Variants in COX10 observed in about 807,000 individuals in gnomAD.
COX10 encodes the protein cytochrome c oxidase assembly factor heme A:farnesyltransferase COX10, also known as protoheme IX farnesyltransferase, mitochondrial.
A neutral mutation model predicts 37.3 loss-of-function variants in COX10; 27 were observed. That is an observed-to-expected ratio of 0.72 (90% CI 0.53 to 1.00). The LOEUF is 1.00. Ranked by LOEUF, COX10 falls within the 50% of genes least tolerant of loss-of-function variation. The pLI is 0.00. For synonymous variants in COX10, 222 were observed against 229.1 expected (o/e 0.97, Z 0.28); for missense variants, 475 against 563.2 (o/e 0.84, Z 1.59).
At chr17:14,181,171 T>A (rs899397698) in intron 5 of COX10, among the ~76,000 whole-genome samples, 23 of 152,036 alleles carry the variant, frequency 1.5e-4, no homozygotes, top group Middle Eastern at 3.4e-3. Flanking sequence ...GAGATGGCCA[T>A]ACAAAAGATG....
At chr17:14,099,940 A>G (rs554536427) in intron 3 of COX10, among the ~76,000 whole-genome samples, 1 of 152,008 alleles carries the variant, frequency 6.6e-6, no homozygotes, top group African/African-American at 2.4e-5. Context: ...ATTCCTTTCC[A>G]TGTCACCCAA....
At chr17:14,174,238 CTGCT>C (rs1905581362) in intron 5 of COX10, among the ~76,000 whole-genome samples, 1 of 151,974 alleles carries the variant, frequency 6.6e-6, no homozygotes, top group Non-Finnish European at 1.5e-5. Context: ...AGCAGGAGGA[CTGCT>C]TGAGCCCAGG....
rs2259653 is a variant in COX10 at position 14,181,264 on chromosome 17, T to C, written c.696-10725T>C. On this transcript the variant is annotated intron_variant, in intron 5 of 6. Transcript: ENST00000261643. ...CAGTTAATTAGACACGTTCACAGAA[T>C]AGATCAGAGATGGCAAAATAATGGC... Among the ~76,000 whole-genome samples the C allele has an allele frequency of 9.7e-3, 1,473 of 151,948 alleles. 13 individuals are homozygous for C. The highest frequency in any genetic ancestry group is 0.024 in the Middle Eastern group (7 of 294).
intron 4 of COX10, among the ~76,000 whole-genome samples, chr17:14,118,360 A>C (rs1216458819): frequency 6.6e-6 from 1 of 152,030 alleles, no homozygotes; most frequent in African/African-American, 2.4e-5. Context: ...AAGTCTTCCC[A>C]CAGTGCACTC....
At chr17:14,142,804 A>G (rs1904586676) in intron 4 of COX10, among the ~76,000 whole-genome samples, 1 of 152,146 alleles carries the variant, frequency 6.6e-6, no homozygotes, top group African/African-American at 2.4e-5. Context: ...TTCATTCTTT[A>G]TGGTGGTAAG....
In COX10 at chr17:14,207,505, C is replaced by T. The variant is rs1180712179; in HGVS notation, c.*292C>T. The T allele has an allele frequency of 7.6e-6, 3 of 393,074 alleles. No homozygotes were observed. The highest frequency in any genetic ancestry group is 1.4e-5 in the Non-Finnish European group (3 of 217,430). The allele number at this position is 393,074 out of a possible 1,614,324, so 24.3% of individuals were successfully genotyped here. A position where few individuals can be genotyped will look rare whatever the true frequency, so the allele number is the denominator to read the frequency against. On this transcript the variant is annotated 3_prime_UTR_variant, in exon 7 of 7. Transcript: ENST00000261643. ...CCTCTATTCTGTTTCTTCCTCCTCACATGGGGGTACACATACACAGCTTCC... is the reference window on the plus strand; with the variant it reads ...CCTCTATTCTGTTTCTTCCTCCTCATATGGGGGTACACATACACAGCTTCC...
intron 3 of COX10, among the ~76,000 whole-genome samples, chr17:14,093,104 G>A (rs959964899): frequency 6.6e-6 from 1 of 152,178 alleles, no homozygotes. Context: ...CAAGGATAAT[G>A]AGATATAATA....
At chr17:14,176,280 T>C (rs1397694820) in intron 5 of COX10, among the ~76,000 whole-genome samples, 1 of 152,010 alleles carries the variant, frequency 6.6e-6, no homozygotes, top group African/African-American at 2.4e-5. Context: ...TGTAATTCAT[T>C]ATAAGGGAGA....
At chr17:14,098,178 G>C (rs1345535371) in intron 3 of COX10, among the ~76,000 whole-genome samples, 4 of 152,096 alleles carry the variant, frequency 2.6e-5, no homozygotes, top group African/African-American at 9.7e-5. Flanking sequence ...AGTAAACAAC[G>C]CTACGTTTGT....
At chr17:14,148,455 G>C (rs1904795213) in intron 4 of COX10, among the ~76,000 whole-genome samples, 1 of 151,920 alleles carries the variant, frequency 6.6e-6, no homozygotes, top group Admixed American at 6.6e-5. Flanking sequence ...CTTTTAACTT[G>C]GTCTGAGATT....
At chr17:14,094,664 A>T (rs1377002492) in intron 3 of COX10, among the ~76,000 whole-genome samples, 1 of 152,248 alleles carries the variant, frequency 6.6e-6, no homozygotes, top group Non-Finnish European at 1.5e-5. Context: ...AGAAGCATAC[A>T]GAGTGTGGTG....
At chr17:14,151,658 G>A (rs1346896572) in intron 4 of COX10, among the ~76,000 whole-genome samples, 1 of 151,794 alleles carries the variant, frequency 6.6e-6, no homozygotes, top group Non-Finnish European at 1.5e-5. Flanking sequence ...CACTTGATTT[G>A]TAATTGGAAT....
chr17:14,161,370 G>A (rs1416276590), intron 5 of COX10, among the ~76,000 whole-genome samples: 1 of 152,162 alleles, frequency 6.6e-6, no homozygotes, highest in Non-Finnish European at 1.5e-5. Context: ...ATCATGTTAG[G>A]TGGAACTATC....
chr17:14,169,338 A>G (rs566068476), intron 5 of COX10, among the ~76,000 whole-genome samples: 2 of 152,312 alleles, frequency 1.3e-5, no homozygotes, highest in East Asian at 3.9e-4. Context: ...GGTTAAAATC[A>G]TTCAACAAGT....
At chr17:14,180,890 G>A (rs1161511429) in intron 5 of COX10, among the ~76,000 whole-genome samples, 1 of 150,632 alleles carries the variant, frequency 6.6e-6, no homozygotes, top group Non-Finnish European at 1.5e-5. Flanking sequence ...CTTTTGCATG[G>A]TTTGTAAAGG....
intron 6 of COX10, among the ~76,000 whole-genome samples, chr17:14,199,823 C>T (rs1040255281): frequency 6.6e-6 from 1 of 152,154 alleles, no homozygotes; most frequent in African/African-American, 2.4e-5. Context: ...CTTTGTGTTG[C>T]CCCTCAAAAG....
chr17:14,098,775 A>G (rs1915707119), intron 3 of COX10, among the ~76,000 whole-genome samples: 1 of 152,196 alleles, frequency 6.6e-6, no homozygotes, highest in Admixed American at 6.5e-5. Context: ...AGTTGTTAAC[A>G]GAATTAGATA....
At chr17:14,094,087 C>T (rs1915588880) in intron 3 of COX10, among the ~76,000 whole-genome samples, 1 of 152,126 alleles carries the variant, frequency 6.6e-6, no homozygotes, top group South Asian at 2.1e-4. Context: ...AAATATTAGA[C>T]ATAAACCATA....
At position 14,101,333 on chromosome 17, in the gene COX10, A is replaced by G. The variant is rs190672759; in HGVS notation, c.500-785A>G. 6.6e-5 allele frequency among the ~76,000 whole-genome samples: 10 copies of G among 152,198 alleles called. No individual in the cohort carries two copies. In the East Asian group the frequency reaches 1.5e-3, roughly 24 times the overall value. On this transcript the variant is annotated intron_variant, in intron 3 of 6. Transcript: ENST00000261643. ...CTCTTCCTTTCTCTTCATCCTCTCT[A>G]GAAAATCCAACTTAAATGTCATCTT...
Sources: allele counts gnomAD v4.1 joint callset (sites outside exome capture counted in the v4.1 genomes callset), GRCh38; gene constraint gnomAD v4.1.1; transcripts MANE v1.5; gene names NCBI Gene and HGNC (gene_info 2026-07-23, HGNC 2026-07-21).